The following ARRDC2 variants were observed in gnomAD, a reference collection of about 807,000 sequenced individuals.
The protein encoded by ARRDC2 is arrestin domain containing 2.
Under a neutral mutation model 38.9 loss-of-function variants are expected in ARRDC2, and 39 were observed. The observed-to-expected ratio is 1.00, with a 90% CI of 0.78 to 1.31. The LOEUF (loss-of-function observed/expected upper bound fraction) is 1.31. ARRDC2 is among the 50% of genes most tolerant of loss of function. ARRDC2 has a pLI of 0.00. For synonymous variants in ARRDC2, 300 were observed against 261.9 expected (o/e 1.15, Z -1.41); for missense variants, 553 against 588.4 (o/e 0.94, Z 0.62).
In ARRDC2 at chr19:18,008,434, G is replaced by A. The variant is rs746304456; in HGVS notation, c.124G>A (p.Ala42Thr). 1.0e-5 allele frequency: 16 copies of A among 1,585,072 alleles called. No individual in the cohort carries two copies. Among genetic ancestry groups the A allele is most frequent in the African/African-American group, 1.3e-5 (1 of 74,508 alleles). Residue 42 changes from alanine to threonine, a missense_variant, in exon 1 of 8, where the codon GCG becomes ACG. Physicochemically the swap from Ala to Thr is moderately conservative, Grantham distance 58. Coordinates refer to ENST00000222250, the MANE Select transcript of ARRDC2 (RefSeq NM_015683.2). ...GRVLLELSSA[A>T]RVGALRLRAR... ...GGTGCTGCTGGAGCTGTCAAGCGCC[G>A]CGCGTGTGGGTGCCCTGAGGCTGCG...
Position 18,008,440 on chromosome 19 carries a change from G to C in ARRDC2, c.130G>C (p.Val44Leu), listed in dbSNP as rs780055385. ...GCTGGAGCTGTCAAGCGCCGCGCGTGTGGGTGCCCTGAGGCTGCGCGCGCG... is the reference window on the plus strand; with the variant it reads ...GCTGGAGCTGTCAAGCGCCGCGCGTCTGGGTGCCCTGAGGCTGCGCGCGCG... Reference protein sequence around the residue: ...VLLELSSAARVGALRLRARGR... With the variant: ...VLLELSSAARLGALRLRARGR... The change falls in exon 1 of 8, where the codon GTG becomes CTG. Residue 44 changes from valine (V) to leucine (L), a missense_variant. Val to Leu is a conservative substitution (Grantham distance 32). Coordinates refer to ENST00000222250, the MANE Select transcript of ARRDC2 (RefSeq NM_015683.2). 14 of 1,581,662 alleles carry C rather than the reference G, an allele frequency of 8.9e-6. No individual in the cohort carries two copies. The highest frequency in any genetic ancestry group is 6.0e-6 in the Non-Finnish European group (7 of 1,171,694).
chr19:18,014,014 C>T lies in ARRDC2; in HGVS notation c.*1048C>T, dbSNP rs997816823. 5 of 152,098 alleles carry T rather than the reference C, an allele frequency of 3.3e-5. No homozygotes were observed. The highest frequency in any genetic ancestry group is 2.1e-4 in the South Asian group (1 of 4,806). The allele number at this position is 152,098 out of a possible 1,614,324, so 9.4% of individuals were successfully genotyped here. On this transcript the variant is annotated 3_prime_UTR_variant, in exon 8 of 8. Transcript: ENST00000222250. Reference sequence around the variant, plus strand: ...CCCAGCCCTGGCTGGGGCAGGGCCCCGGCCTGGGACTCAGCATTTCTGATA... The same window carrying T: ...CCCAGCCCTGGCTGGGGCAGGGCCCTGGCCTGGGACTCAGCATTTCTGATA...
At chr19:18,005,038 T>C (rs538311635), upstream of ARRDC2, among the ~76,000 whole-genome samples, 251 of 151,650 alleles carry the variant, frequency 1.7e-3, 2 homozygotes, top group African/African-American at 5.9e-3. Flanking sequence ...TAATTGATCA[T>C]TCTTGGGTGT....
At chr19:18,001,534 G>C (rs1234157882) in exon 1 of ARRDC2, 3 of 1,388,596 alleles carry the variant, frequency 2.2e-6, no homozygotes, top group African/African-American at 1.5e-5. Context: ...CTACGCGGCC[G>C]CGGAGACCTA....
chr19:18,011,967 T>C (rs1379991928), intron 7 of ARRDC2, among the ~76,000 whole-genome samples: 1 of 138,524 alleles, frequency 7.2e-6, no homozygotes, highest in Non-Finnish European at 1.6e-5. Flanking sequence ...TTTTTTTTTT[T>C]TTTTTTTGAG....
chr19:18,005,568 C>A (rs1000305372), upstream of ARRDC2, among the ~76,000 whole-genome samples: 1 of 150,518 alleles, frequency 6.6e-6, no homozygotes, highest in Non-Finnish European at 1.5e-5. Context: ...TAGGGGCGGC[C>A]GGGCAGAGGT....
At chr19:18,005,439 CT>C (rs1266705344), upstream of ARRDC2, among the ~76,000 whole-genome samples, 1 of 152,148 alleles carries the variant, frequency 6.6e-6, no homozygotes, top group Non-Finnish European at 1.5e-5. Flanking sequence ...TTTTCCCCAC[CT>C]TTCCCCCCTT....
chr19:18,005,615 G>T (rs533941416), upstream of ARRDC2, among the ~76,000 whole-genome samples: 21 of 149,730 alleles, frequency 1.4e-4, no homozygotes, highest in South Asian at 4.2e-4. Flanking sequence ...CTGGCCGGGT[G>T]GGGGGCTGAC....
chr19:18,008,126 C>CTT, upstream of ARRDC2: 1 of 907,748 alleles, frequency 1.1e-6, no homozygotes, highest in South Asian at 1.8e-5. Context: ...ACCCCACCCC[C>CTT]CCCCGCCCTG....
chr19:18,006,111 C>T (rs1294865895), upstream of ARRDC2, among the ~76,000 whole-genome samples: 16 of 151,220 alleles, frequency 1.1e-4, no homozygotes, highest in Non-Finnish European at 2.2e-4. Flanking sequence ...GGTGGGATGG[C>T]GGCCGGGCAG....
intron 7 of ARRDC2, 28 bp downstream of exon 7, chr19:18,010,757 A>T (rs750322485): frequency 4.4e-6 from 7 of 1,606,978 alleles, no homozygotes; most frequent in South Asian, 1.1e-5. Context: ...AGAACCACCC[A>T]TGCCTCTCTG....
upstream of ARRDC2, among the ~76,000 whole-genome samples, chr19:18,004,300 T>C (rs2033231888): frequency 7.0e-6 from 1 of 142,364 alleles, no homozygotes. Flanking sequence ...CAGGCTGGAG[T>C]GCAATGGCAT....
chr19:18,011,421 C>T (rs1221289252), intron 7 of ARRDC2, among the ~76,000 whole-genome samples: 2 of 152,180 alleles, frequency 1.3e-5, no homozygotes, highest in African/African-American at 4.8e-5. Context: ...GCGTCAGCCA[C>T]TGTGCCCGGC....
rs771563720 is a variant in ARRDC2 at position 18,008,754 on chromosome 19, C to G, written c.318C>G (p.Phe106Leu). 1 of 1,613,616 alleles carries G rather than the reference C, an allele frequency of 6.2e-7. No homozygotes were observed. The highest frequency in any genetic ancestry group is 2.2e-5 in the East Asian group (1 of 44,878). ...TTTLPPGRHE[F>L]LFSFQLPPTL... ...CGCTGCCTCCTGGGCGCCATGAGTT[C>G]CTGTTCAGCTTCCAGCTGCCCCCGT... Residue 106 changes from phenylalanine to leucine, a missense_variant, in exon 2 of 8, where the codon TTC (phenylalanine) becomes TTG (leucine). Physicochemically the swap from Phe to Leu is conservative, Grantham distance 22 (BLOSUM62 0). Around this residue, in one of 3 missense-constraint regions of ARRDC2, gnomAD observed 447 missense variants for 456.6 expected, o/e 0.98. Transcript: ENST00000222250.
rs558944442 is a variant in ARRDC2 at position 18,013,898 on chromosome 19, C to T, written c.*932C>T. Reference sequence around the variant, plus strand: ...GGACAGAGGTCAGCCTAAGGTGACACACGGGGACTACTGTGCTTCCGGAGG... The same window carrying T: ...GGACAGAGGTCAGCCTAAGGTGACATACGGGGACTACTGTGCTTCCGGAGG... On this transcript the variant is annotated 3_prime_UTR_variant, in exon 8 of 8. Coordinates refer to ENST00000222250, the MANE Select transcript of ARRDC2 (RefSeq NM_015683.2). The T allele has an allele frequency of 3.9e-5, 6 of 152,252 alleles. No individual in the cohort carries two copies. Among genetic ancestry groups the T allele is most frequent in the Admixed American group, 3.3e-4 (5 of 15,286 alleles). 9.4% of individuals were successfully genotyped at this position (152,252 alleles called of 1,614,324 possible). A position where few individuals can be genotyped will look rare whatever the true frequency, so the allele number is the denominator to read the frequency against.
intron 1 of ARRDC2, among the ~76,000 whole-genome samples, chr19:18,003,035 G>T (rs1201897984): frequency 6.6e-6 from 1 of 151,844 alleles, no homozygotes; most frequent in Non-Finnish European, 1.5e-5. Flanking sequence ...GGCAGGCGGA[G>T]ATTGCAGTGA....
At chr19:18,003,606 G>T (rs1180531650), upstream of ARRDC2, among the ~76,000 whole-genome samples, 1 of 150,608 alleles carries the variant, frequency 6.6e-6, no homozygotes, top group East Asian at 2.0e-4. Flanking sequence ...GATTATAGGT[G>T]CCCGCCAACA....
At chr19:18,002,242 G>A (rs1398364708) in intron 1 of ARRDC2, among the ~76,000 whole-genome samples, 1 of 152,210 alleles carries the variant, frequency 6.6e-6, no homozygotes, top group East Asian at 1.9e-4. Flanking sequence ...GGTAGGGTTG[G>A]GGGTCTGGTG....
chr19:18,004,265 T>TTA (rs2033231372), upstream of ARRDC2, among the ~76,000 whole-genome samples: 7 of 148,264 alleles, frequency 4.7e-5, no homozygotes, highest in South Asian at 1.5e-3. Context: ...TTTTTTTTTT[T>TTA]AGGCGGAATT....
Sources: gnomAD v4.1 joint callset for allele counts (sites outside exome capture counted in the v4.1 genomes callset) on GRCh38, gnomAD v4.1.1 for gene constraint, gnomAD v4.1.1 regional missense constraint, MANE v1.5 for transcripts, NCBI Gene and HGNC (gene_info 2026-07-23, HGNC 2026-07-21) for gene names.